The following CFAP251 variants were observed in gnomAD, a reference collection of about 807,000 sequenced individuals.
The protein encoded by CFAP251 is cilia- and flagella-associated protein 251.
Under a neutral mutation model 126.7 loss-of-function variants are expected in CFAP251, and 93 were observed. That is an observed-to-expected ratio of 0.73 (90% CI 0.62 to 0.87). The LOEUF (loss-of-function observed/expected upper bound fraction) is 0.87. Ranked by LOEUF, CFAP251 falls within the 40% of genes least tolerant of loss-of-function variation. The probability of loss-of-function intolerance (pLI) is 0.00; values close to 1 mark genes in which losing one functional copy is unlikely to be tolerated. For missense variants in CFAP251, 1,287 were observed against 1,389.2 expected (o/e 0.93, Z 1.17); for synonymous variants, 503 against 506.9 (o/e 0.99, Z 0.10).
chr12:121,925,085 T>G (rs1880358665), intron 3 of CFAP251, among the ~76,000 whole-genome samples: 1 of 151,734 alleles, frequency 6.6e-6, no homozygotes, highest in Non-Finnish European at 1.5e-5. Flanking sequence ...CCCTTCCCCT[T>G]CTTGCCTCAC....
chr12:121,944,846 G>A (rs955765892), intron 7 of CFAP251, among the ~76,000 whole-genome samples: 4 of 152,120 alleles, frequency 2.6e-5, no homozygotes, highest in South Asian at 2.1e-4. Context: ...GCAGTGGCGC[G>A]ATCTCAGCTC....
intron 8 of CFAP251, chr12:121,951,052 C>T (rs747122928): frequency 1.6e-3 from 236 of 151,778 alleles, no homozygotes; most frequent in Middle Eastern, 0.013. Flanking sequence ...AACCCCATCT[C>T]TACTAAAAAA....
At chr12:121,969,341 T>G (rs897116576) in intron 17 of CFAP251, 17 of 985,282 alleles carry the variant, frequency 1.7e-5, no homozygotes, top group Non-Finnish European at 2.0e-5. Flanking sequence ...CTTGGGAACT[T>G]GAGGATTTAG....
intron 7 of CFAP251, among the ~76,000 whole-genome samples, chr12:121,946,861 G>A (rs1432205927): frequency 6.6e-6 from 1 of 152,050 alleles, no homozygotes; most frequent in Non-Finnish European, 1.5e-5. Flanking sequence ...TTATAGGCAT[G>A]AGCCACTGCT....
chr12:121,978,393 C>CAAAAAAAAAAAAAAAA (rs10642280), intron 19 of CFAP251, among the ~76,000 whole-genome samples: 576 of 42,080 alleles, frequency 0.014, 35 homozygotes, highest in Non-Finnish European at 0.018. Context: ...GACTCTGTCT[C>CAAAAAAAAAAAAAAAA]AAAAAAAAAA....
intron 19 of CFAP251, 145 bp downstream of exon 19, chr12:121,975,830 G>A: frequency 1.2e-6 from 1 of 819,678 alleles, no homozygotes; most frequent in South Asian, 2.0e-5. Context: ...CATTTCAGAT[G>A]CACTCCTGAG....
chr12:121,942,013 A>G (rs940304975), intron 5 of CFAP251, among the ~76,000 whole-genome samples: 1 of 152,196 alleles, frequency 6.6e-6, no homozygotes, highest in Non-Finnish European at 1.5e-5. Context: ...AGTGCCTGGT[A>G]CCTAGTGAAT....
chr12:121,954,144 T>C lies in CFAP251; in HGVS notation c.1345T>C (p.Phe449Leu). ...GACCTTCAACAAGCTTGTGGGAAAG[T>C]TTAGCCAGTCCATCTTTCACTTGAA... Reference protein sequence around the residue: ...EKTFNKLVGKFSQSIFHLNLT... With the variant: ...EKTFNKLVGKLSQSIFHLNLT... Residue 449 changes from phenylalanine (F) to leucine (L), a missense_variant, in exon 10 of 22, where the codon TTT becomes CTT. Physicochemically the swap from Phe to Leu is conservative, Grantham distance 22. Coordinates refer to ENST00000288912, the MANE Select transcript of CFAP251 (RefSeq NM_144668.6). The C allele has an allele frequency of 4.3e-6, 7 of 1,614,128 alleles. No individual in the cohort carries two copies. Among genetic ancestry groups the C allele is most frequent in the Non-Finnish European group, 5.9e-6 (7 of 1,180,024 alleles).
Position 121,957,811 on chromosome 12 carries a change from T to A in CFAP251, c.1731-461T>A, listed in dbSNP as rs150091902. On this transcript the variant is annotated intron_variant, in intron 11 of 21. Transcript: ENST00000288912. ...CCTGATCTCTCACCTCTGTTGAGTC[T>A]GGAGTCTTTTGCTGCAGGTTGGTCT... Among the ~76,000 whole-genome samples, 11 of 152,296 alleles carry A rather than the reference T, an allele frequency of 7.2e-5. No homozygotes were observed. The East Asian group carries it at 2.1e-3, about 29-fold the overall frequency.
chr12:121,976,763 G>T (rs955535975), intron 19 of CFAP251, among the ~76,000 whole-genome samples: 4 of 151,882 alleles, frequency 2.6e-5, no homozygotes, highest in Admixed American at 2.0e-4. Flanking sequence ...CCAAAAAATT[G>T]CCCGGTGTGG....
chr12:121,968,761 G>A, intron 17 of CFAP251: 1 of 322,198 alleles, frequency 3.1e-6, no homozygotes, highest in Non-Finnish European at 4.5e-6. Context: ...GTGAAATGGG[G>A]GTGATAATAG....
chr12:121,989,496 C>T lies in CFAP251; in HGVS notation c.3007-10220C>T, dbSNP rs962871451. ...GTTGGGGTCACAGTGTTGCATGAAT[C>T]GCAGAGGGGGCGCTCACAGGGGTCT... is the stretch of plus-strand genomic sequence containing the variant. On this transcript the variant is annotated intron_variant, in intron 19 of 21. Coordinates refer to ENST00000288912, the MANE Select transcript of CFAP251 (RefSeq NM_144668.6). This position sits in a 1 kb window ranked among gnomAD's most constrained non-coding sequence, Gnocchi z 4.2. Among the ~76,000 whole-genome samples the T allele has an allele frequency of 2.6e-5, 4 of 152,210 alleles. No individual in the cohort carries two copies. Among genetic ancestry groups the T allele is most frequent in the Non-Finnish European group, 4.4e-5 (3 of 68,036 alleles).
intron 19 of CFAP251, among the ~76,000 whole-genome samples, chr12:121,993,979 G>T (rs1490249523): frequency 1.3e-5 from 1 of 77,958 alleles, no homozygotes; most frequent in Admixed American, 1.1e-4. Flanking sequence ...AGGTGGGGGG[G>T]TCAGCCCCCC....
intron 8 of CFAP251, chr12:121,951,191 A>G: frequency 4.4e-6 from 1 of 229,412 alleles, no homozygotes; most frequent in Non-Finnish European, 8.6e-6. Context: ...ACTGCACTCC[A>G]GGCTGGGCGA....
chr12:121,983,265 G>A lies in CFAP251; in HGVS notation c.3006+7580G>A, dbSNP rs1302546548. Among the ~76,000 whole-genome samples the A allele has an allele frequency of 2.6e-5, 4 of 151,424 alleles. No individual in the cohort carries two copies. The East Asian group carries it at 7.9e-4, about 30-fold the overall frequency. On this transcript the variant is annotated intron_variant, in intron 19 of 21. Transcript: ENST00000288912. ...AAAAATTAGTTGGGGATAGTGGTGT[G>A]CAACCGGAGTCCCAGCTACCCTGGA...
intron 19 of CFAP251, among the ~76,000 whole-genome samples, chr12:121,983,524 G>A (rs1387888835): frequency 1.3e-5 from 2 of 152,060 alleles, no homozygotes; most frequent in Non-Finnish European, 2.9e-5. Flanking sequence ...AAGGTATCCG[G>A]AAAAAAATGT....
chr12:121,929,319 CAA>C (rs907807088), intron 3 of CFAP251, among the ~76,000 whole-genome samples: 14 of 68,890 alleles, frequency 2.0e-4, no homozygotes, highest in Non-Finnish European at 2.1e-4. Context: ...GACTCCATCT[CAA>C]AAAAAAAAAA....
At chr12:121,988,747 C>CTTT (rs199716724) in intron 19 of CFAP251, among the ~76,000 whole-genome samples, 3 of 138,956 alleles carry the variant, frequency 2.2e-5, no homozygotes, top group Non-Finnish European at 3.1e-5. Context: ...TTTTTTTTCT[C>CTTT]TTTTTTTTTT....
At chr12:121,920,127 T>A (rs770080338) in intron 1 of CFAP251, among the ~76,000 whole-genome samples, 3 of 144,536 alleles carry the variant, frequency 2.1e-5, no homozygotes, top group Non-Finnish European at 4.5e-5. Flanking sequence ...GTAATTGCAG[T>A]GAGCCAAGAT....
Sources: allele counts gnomAD v4.1 joint callset (sites outside exome capture counted in the v4.1 genomes callset), GRCh38; gene constraint gnomAD v4.1.1; non-coding constraint Gnocchi (gnomAD v3.1); transcripts MANE v1.5; gene names NCBI Gene and HGNC (gene_info 2026-07-23, HGNC 2026-07-21).